The following SRGAP1 variants were observed in gnomAD, a reference collection of about 807,000 sequenced individuals.
The protein encoded by SRGAP1 is SLIT-ROBO Rho GTPase-activating protein 1.
In SRGAP1, 43 loss-of-function variants were observed where a neutral mutation model predicts 121.9. That is an observed-to-expected ratio of 0.35 (90% CI 0.28 to 0.46). SRGAP1 has a LOEUF of 0.46. Among genes scored for constraint, SRGAP1 ranks in the 20% least tolerant of loss-of-function variants. The pLI, the probability that SRGAP1 is intolerant of heterozygous loss-of-function variation, is 1.00. For synonymous variants in SRGAP1, 447 were observed against 485.4 expected, an observed-to-expected ratio of 0.92 and a Z score of 1.04; for missense variants, 1,102 against 1,350.9, an observed-to-expected ratio of 0.82 and a Z score of 2.89.
chr12:64,015,815 A>G (rs2034387270), intron 3 of SRGAP1, among the ~76,000 whole-genome samples: 2 of 152,330 alleles, frequency 1.3e-5, no homozygotes, highest in Admixed American at 1.3e-4. Flanking sequence ...TTCACGGACC[A>G]GTGGATGTTG....
intron 8 of SRGAP1, among the ~76,000 whole-genome samples, chr12:64,073,408 T>A (rs2035677749): frequency 6.6e-6 from 1 of 152,230 alleles, no homozygotes; most frequent in African/African-American, 2.4e-5. Flanking sequence ...TATGTAACCA[T>A]CTGTCTCATA....
At position 63,892,344 on chromosome 12, in the gene SRGAP1, A is replaced by G. The variant is rs540953675; in HGVS notation, c.67+47461A>G. Among the ~76,000 whole-genome samples, 43 of 152,344 alleles carry G rather than the reference A, an allele frequency of 2.8e-4. No homozygotes were observed. In the South Asian group the frequency reaches 3.7e-3, roughly 13 times the overall value. On this transcript the variant is annotated intron_variant, in intron 1 of 21. Transcript: ENST00000355086. ...ATAATGAAGAGTCATAAAATATGTAATAATCATTGTTCACATGGAATCATT... is the reference window on the plus strand; with the variant it reads ...ATAATGAAGAGTCATAAAATATGTAGTAATCATTGTTCACATGGAATCATT...
intron 11 of SRGAP1, among the ~76,000 whole-genome samples, chr12:64,087,747 A>G (rs900782191): frequency 2.6e-5 from 4 of 152,128 alleles, no homozygotes; most frequent in Non-Finnish European, 5.9e-5. Flanking sequence ...AAATAAAAAT[A>G]AAAAATAAAA....
chr12:64,098,844 T>A (rs1310698435), intron 15 of SRGAP1, among the ~76,000 whole-genome samples: 1 of 152,174 alleles, frequency 6.6e-6, no homozygotes, highest in Non-Finnish European at 1.5e-5. Flanking sequence ...ATTTCCCACC[T>A]CCATCCACTT....
chr12:63,990,803 A>G (rs1048944488), intron 3 of SRGAP1, among the ~76,000 whole-genome samples: 1 of 152,200 alleles, frequency 6.6e-6, no homozygotes, highest in Admixed American at 6.5e-5. Context: ...TGTGAAGAAC[A>G]AGATTATTAC....
At chr12:64,028,386 TG>T (rs1260969191) in intron 4 of SRGAP1, among the ~76,000 whole-genome samples, 2 of 152,272 alleles carry the variant, frequency 1.3e-5, no homozygotes, top group African/African-American at 4.8e-5. Flanking sequence ...TCAGTTGCTT[TG>T]ACCCATAAAA....
chr12:63,907,452 C>T (rs985810195), intron 1 of SRGAP1, among the ~76,000 whole-genome samples: 5 of 151,858 alleles, frequency 3.3e-5, no homozygotes, highest in East Asian at 3.9e-4. Flanking sequence ...GCAGGGGAAT[C>T]GCTTGATCCT....
chr12:64,139,652 G>A lies in SRGAP1; in HGVS notation c.2881-2643G>A, dbSNP rs537008350. ...GATTCTGGATATTAGCCCTTTGTCC[G>A]ATGAGTAGGTTGCGAAAATTTTCTC... On this transcript the variant is annotated intron_variant, in intron 21 of 21. Transcript: ENST00000355086. Among the ~76,000 whole-genome samples the A allele has an allele frequency of 6.6e-5, 10 of 151,702 alleles. No homozygotes were observed. The South Asian group carries it at 1.3e-3, about 19-fold the overall frequency.
At position 64,142,428 on chromosome 12, in the gene SRGAP1, C is replaced by T. The variant is rs923224947; in HGVS notation, c.3014C>T (p.Ser1005Phe). ...AAAAACTCTCCCACCCCTGCCACTTCCACGGAATCTCTCAGCCCTTTGCAC... is the reference window on the plus strand; with the variant it reads ...AAAAACTCTCCCACCCCTGCCACTTTCACGGAATCTCTCAGCCCTTTGCAC... ...QVKNSPTPATSTESLSPLHNV... is the reference protein window; with the variant it reads ...QVKNSPTPATFTESLSPLHNV... The change falls in exon 22 of 22, where the codon TCC (serine) becomes TTC (phenylalanine). Residue 1005 changes from serine to phenylalanine, a missense_variant. Ser to Phe is a radical substitution (Grantham distance 155). Transcript: ENST00000355086. 6.2e-7 allele frequency: 1 copy of T among 1,614,072 alleles called. No homozygotes were observed. The highest frequency in any genetic ancestry group is 8.5e-7 in the Non-Finnish European group (1 of 1,180,050).
Position 63,844,999 on chromosome 12 carries a change from G to A in SRGAP1, c.67+116G>A. Reference sequence around the variant, plus strand: ...GAGGAAGGTGGTGAGGGGACAGCTCGAGCCCTGTCTGAGCCACCTGGGCTT... The same window carrying A: ...GAGGAAGGTGGTGAGGGGACAGCTCAAGCCCTGTCTGAGCCACCTGGGCTT... On this transcript the variant is annotated intron_variant, in intron 1 of 21. Coordinates refer to ENST00000355086, the MANE Select transcript of SRGAP1 (RefSeq NM_020762.4). The surrounding 1 kb of genome is among the most constrained non-coding windows in gnomAD (Gnocchi z 4.3). The A allele has an allele frequency of 9.4e-7, 1 of 1,060,962 alleles. No individual in the cohort carries two copies. Among genetic ancestry groups the A allele is most frequent in the Non-Finnish European group, 1.5e-6 (1 of 688,982 alleles). The allele number at this position is 1,060,962 out of a possible 1,614,324, so 65.7% of individuals were successfully genotyped here. A position where few individuals can be genotyped will look rare whatever the true frequency, so the allele number is the denominator to read the frequency against.
chr12:64,086,257 G>T (rs1230040524), intron 10 of SRGAP1, among the ~76,000 whole-genome samples: 1 of 152,048 alleles, frequency 6.6e-6, no homozygotes, highest in Admixed American at 6.5e-5. Flanking sequence ...CCACTACTCC[G>T]CCCTAAATGT....
intron 1 of SRGAP1, among the ~76,000 whole-genome samples, chr12:63,920,803 C>A (rs1379617747): frequency 6.6e-6 from 1 of 152,090 alleles, no homozygotes; most frequent in Non-Finnish European, 1.5e-5. Flanking sequence ...GGATAATATC[C>A]TGGTTTGGGA....
chr12:64,002,177 G>A (rs900617818), intron 3 of SRGAP1, among the ~76,000 whole-genome samples: 1 of 152,090 alleles, frequency 6.6e-6, no homozygotes, highest in Admixed American at 6.6e-5. Context: ...AGCAGAAAAG[G>A]GAAAATAAAG....
chr12:64,119,904 G>A (rs2036579592), intron 18 of SRGAP1, among the ~76,000 whole-genome samples: 1 of 150,858 alleles, frequency 6.6e-6, no homozygotes, highest in Admixed American at 6.6e-5. Context: ...CCAAGTACCT[G>A]GGATTACAGG....
intron 6 of SRGAP1, 104 bp downstream of exon 6, chr12:64,043,679 C>T (rs778708715): frequency 1.3e-4 from 110 of 847,262 alleles, no homozygotes; most frequent in South Asian, 2.1e-4. Context: ...TGTTATTTTA[C>T]GTAATACTCA....
At chr12:64,049,054 G>C (rs1177550648) in intron 6 of SRGAP1, among the ~76,000 whole-genome samples, 3 of 152,082 alleles carry the variant, frequency 2.0e-5, no homozygotes, top group African/African-American at 7.2e-5. Context: ...TGCCTCTAGG[G>C]TGTTACTCAA....
chr12:63,948,152 G>A lies in SRGAP1; in HGVS notation c.68-35795G>A, dbSNP rs922674804. ...TCGCCCTAAAATGCATAATAAAATG[G>A]AGGTCTTTATAATGTTAAAGCAACA... is the stretch of plus-strand genomic sequence containing the variant. On this transcript the variant is annotated intron_variant, in intron 1 of 21. Transcript: ENST00000355086. 5.9e-5 allele frequency among the ~76,000 whole-genome samples: 9 copies of A among 152,024 alleles called. No homozygotes were observed. The South Asian group carries it at 8.3e-4, about 14-fold the overall frequency.
Position 64,137,196 on chromosome 12 carries a change from G to A in SRGAP1, c.2881-5099G>A, listed in dbSNP as rs1413665958. ...TGAGAATCACTTGAACCCAGGAGGC[G>A]GAGGTCGCAGTGAGCCGAGATCACA... On this transcript the variant is annotated intron_variant, in intron 21 of 21. Transcript: ENST00000355086. 5.3e-5 allele frequency among the ~76,000 whole-genome samples: 8 copies of A among 151,876 alleles called. No homozygotes were observed. In the South Asian group the frequency reaches 8.3e-4, roughly 16 times the overall value.
At chr12:63,983,300 T>A (rs535010126) in intron 1 of SRGAP1, 1 of 152,146 alleles carries the variant, frequency 6.6e-6, no homozygotes, top group Non-Finnish European at 1.5e-5. Context: ...TGAGGTAGAG[T>A]GCTGTTGAAA....
Sources: allele counts gnomAD v4.1 joint callset (sites outside exome capture counted in the v4.1 genomes callset), GRCh38; gene constraint gnomAD v4.1.1; non-coding constraint Gnocchi (gnomAD v3.1); transcripts MANE v1.5; gene names NCBI Gene and HGNC (gene_info 2026-07-23, HGNC 2026-07-21).